EMC8: variants seen among roughly 807,000 people sequenced by gnomAD.
The protein encoded by EMC8 is COX4 neighbor.
A neutral mutation model predicts 24.3 loss-of-function variants in EMC8; 11 were observed. That is an observed-to-expected ratio of 0.45 (90% CI 0.28 to 0.75). The LOEUF (loss-of-function observed/expected upper bound fraction) is 0.75, where lower values mean the gene tolerates loss of function less well. Ranked by LOEUF, EMC8 falls within the 30% of genes least tolerant of loss-of-function variation. EMC8 has a pLI of 0.12. For missense variants in EMC8, 277 were observed against 282.7 expected (o/e 0.98, Z 0.14); for synonymous variants, 145 against 117.7 (o/e 1.23, Z -1.50).
At chr16:85,782,450 A>C (rs1047932227) in intron 2 of EMC8, among the ~76,000 whole-genome samples, 1 of 152,214 alleles carries the variant, frequency 6.6e-6, no homozygotes, top group African/African-American at 2.4e-5. Context: ...CTATGCCAGG[A>C]AGGGGCCTTC....
intron 1 of EMC8, among the ~76,000 whole-genome samples, chr16:85,789,656 G>A (rs1202528630): frequency 1.3e-5 from 2 of 152,126 alleles, no homozygotes; most frequent in Admixed American, 6.6e-5. Context: ...GCTGGGCGTG[G>A]TGGTGGGCGC....
At chr16:85,784,954 T>C (rs1234045482) in intron 2 of EMC8, 1 of 152,160 alleles carries the variant, frequency 6.6e-6, no homozygotes, top group Non-Finnish European at 1.5e-5. Context: ...GTCTTTCTAT[T>C]CACTGATTTT....
chr16:85,781,241 G>T lies in EMC8; in HGVS notation c.348C>A (p.Ala116=). 1 of 1,613,788 alleles carries T rather than the reference G, an allele frequency of 6.2e-7. No individual in the cohort carries two copies. The change falls in exon 3 of 5, where the codon GCC becomes GCA. Residue 116 remains alanine, a synonymous_variant. Coordinates refer to ENST00000253457, the MANE Select transcript of EMC8 (RefSeq NM_006067.5). ...TGAGCGCAGTGTCGCTGAAGCCCTCGGCGATTCTGGAGGCCACCTTCTCTG... is the reference window on the plus strand; with the variant it reads ...TGAGCGCAGTGTCGCTGAAGCCCTCTGCGATTCTGGAGGCCACCTTCTCTG... The part of the protein sequence containing the change: ...QVAEKVASRI[A]EGFSDTALIM...
rs753931013 is a variant in EMC8 at position 85,781,193 on chromosome 16, T to C, written c.378+18A>G. 1 of 1,608,128 alleles carries C rather than the reference T, an allele frequency of 6.2e-7. No homozygotes were observed. The highest frequency in any genetic ancestry group is 8.5e-7 in the Non-Finnish European group (1 of 1,174,726). ...GGAGGCGCAAGGGCCTCCCACATGCTGCACAGAAGCGACTTACCATGATGA... is the reference window on the plus strand; with the variant it reads ...GGAGGCGCAAGGGCCTCCCACATGCCGCACAGAAGCGACTTACCATGATGA... On this transcript the variant is annotated intron_variant, in intron 3 of 4. Coordinates refer to ENST00000253457, the MANE Select transcript of EMC8 (RefSeq NM_006067.5).
chr16:85,788,054 C>A (rs562476823), intron 2 of EMC8, among the ~76,000 whole-genome samples: 2 of 152,342 alleles, frequency 1.3e-5, no homozygotes, highest in East Asian at 1.9e-4. Context: ...TATCTGACAA[C>A]ATGAGGAAGC....
At chr16:85,796,829 G>C (rs1905258126) in intron 1 of EMC8, among the ~76,000 whole-genome samples, 1 of 152,184 alleles carries the variant, frequency 6.6e-6, no homozygotes, top group Non-Finnish European at 1.5e-5. Context: ...CCCAAGCCTA[G>C]GCTGGCTGAC....
In EMC8 at chr16:85,779,508, C is replaced by T. The variant is rs772011415; in HGVS notation, c.*200G>A. 33 of 544,556 alleles carry T rather than the reference C, an allele frequency of 6.1e-5. No homozygotes were observed. The Admixed American group carries it at 6.2e-4, about 10-fold the overall frequency. 33.7% of individuals were successfully genotyped at this position (544,556 alleles called of 1,614,324 possible). A position where few individuals can be genotyped will look rare whatever the true frequency, so the allele number is the denominator to read the frequency against. ...GAGAGAGTCCACAGGGACAGTCAGA[C>T]GGGATGTCTGCACCTCTTCTAGAGA... is the stretch of plus-strand genomic sequence containing the variant. On this transcript the variant is annotated 3_prime_UTR_variant, in exon 5 of 5. Transcript: ENST00000253457.
chr16:85,790,619 T>C (rs979571825), intron 1 of EMC8, among the ~76,000 whole-genome samples: 1 of 152,232 alleles, frequency 6.6e-6, no homozygotes, highest in Admixed American at 6.5e-5. Flanking sequence ...CCTGATGAGC[T>C]GATCCTTGAG....
intron 3 of EMC8, chr16:85,780,677 G>A (rs986645885): frequency 5.2e-6 from 3 of 581,754 alleles, no homozygotes; most frequent in African/African-American, 3.7e-5. Context: ...GTCCTTCATT[G>A]TTTTTTCACA....
At chr16:85,795,129 C>T (rs142693169) in intron 1 of EMC8, among the ~76,000 whole-genome samples, 2,042 of 152,172 alleles carry the variant, frequency 0.013, 32 homozygotes, top group African/African-American at 0.047. Context: ...CATTCACATC[C>T]CATAGTCGGA....
rs755782550 is a variant in EMC8 at position 85,781,251 on chromosome 16, G to C, written c.338C>G (p.Ser113Cys). The C allele has an allele frequency of 6.2e-7, 1 of 1,612,490 alleles. No individual in the cohort carries two copies. Among genetic ancestry groups the C allele is most frequent in the East Asian group, 2.2e-5 (1 of 44,786 alleles). The change falls in exon 3 of 5, where the codon TCC becomes TGC. Residue 113 changes from serine (S) to cysteine (C), a missense_variant. Ser to Cys is a moderately radical substitution (Grantham distance 112). Transcript: ENST00000253457. Reference protein sequence around the residue: ...SPNQVAEKVASRIAEGFSDTA... With the variant: ...SPNQVAEKVACRIAEGFSDTA... ...GTCGCTGAAGCCCTCGGCGATTCTG[G>C]AGGCCACCTTCTCTGCAACCTGGTT...
At chr16:85,797,516 G>A (rs1162511036) in intron 1 of EMC8, among the ~76,000 whole-genome samples, 5 of 152,152 alleles carry the variant, frequency 3.3e-5, no homozygotes, top group Non-Finnish European at 7.3e-5. Context: ...AAAATACTTA[G>A]TTTTATAAAT....
At chr16:85,794,370 T>A (rs2152076573) in intron 1 of EMC8, among the ~76,000 whole-genome samples, 1 of 152,276 alleles carries the variant, frequency 6.6e-6, no homozygotes, top group African/African-American at 2.4e-5. Context: ...TGCCCACTGC[T>A]GAGGGAATGA....
chr16:85,782,464 T>C (rs1904553036), intron 2 of EMC8, among the ~76,000 whole-genome samples: 1 of 152,174 alleles, frequency 6.6e-6, no homozygotes, highest in South Asian at 2.1e-4. Flanking sequence ...GGCCTTCTCC[T>C]CGGGGGCCTT....
intron 1 of EMC8, among the ~76,000 whole-genome samples, chr16:85,793,431 G>T (rs185367759): frequency 9.9e-4 from 150 of 152,282 alleles, no homozygotes; most frequent in Middle Eastern, 6.8e-3. Context: ...GAGAAGGAGT[G>T]GGAACCATGA....
intron 2 of EMC8, among the ~76,000 whole-genome samples, chr16:85,783,537 TG>T (rs1317972888): frequency 6.6e-6 from 1 of 152,222 alleles, no homozygotes; most frequent in Admixed American, 6.5e-5. Context: ...TCACGTCCCC[TG>T]GTGCTCACAG....
chr16:85,799,321 C>A lies in EMC8; in HGVS notation c.-26G>T. The stretch of plus-strand genomic sequence containing the variant: ...GCTGACCCGGGAGGGCCCCGGAGGC[C>A]CCTGGGCGCGCGGCTGAGGCCTGGA... On this transcript the variant is annotated 5_prime_UTR_variant, in exon 1 of 5. Coordinates refer to ENST00000253457, the MANE Select transcript of EMC8 (RefSeq NM_006067.5). The surrounding 1 kb of genome is among the most constrained non-coding windows in gnomAD (Gnocchi z 4.2). 2.0e-6 allele frequency: 3 copies of A among 1,530,184 alleles called. No homozygotes were observed. The highest frequency in any genetic ancestry group is 2.7e-6 in the Non-Finnish European group (3 of 1,129,504). 94.8% of individuals were successfully genotyped at this position (1,530,184 alleles called of 1,614,324 possible).
intron 1 of EMC8, among the ~76,000 whole-genome samples, chr16:85,791,976 A>G (rs1905032292): frequency 6.6e-6 from 1 of 152,228 alleles, no homozygotes; most frequent in Non-Finnish European, 1.5e-5. Context: ...AGCTGACCAT[A>G]CCATACAACA....
At chr16:85,783,265 T>C (rs2152072931) in intron 2 of EMC8, among the ~76,000 whole-genome samples, 1 of 151,412 alleles carries the variant, frequency 6.6e-6, no homozygotes, top group East Asian at 2.0e-4. Context: ...ATCATGCCAC[T>C]GTACTCCAGC....
Sources: allele counts gnomAD v4.1 joint callset (sites outside exome capture counted in the v4.1 genomes callset), GRCh38; gene constraint gnomAD v4.1.1; non-coding constraint Gnocchi (gnomAD v3.1); transcripts MANE v1.5; gene names NCBI Gene and HGNC (gene_info 2026-07-23, HGNC 2026-07-21).